ITGB5: variants seen among roughly 807,000 people sequenced by gnomAD.
ITGB5 encodes integrin subunit beta 5.
Under a neutral mutation model 84.8 loss-of-function variants are expected in ITGB5, and 38 were observed. The observed-to-expected ratio is 0.45, with a 90% CI of 0.35 to 0.59. ITGB5 has a LOEUF of 0.59. Ranked by LOEUF, ITGB5 falls within the 20% of genes least tolerant of loss-of-function variation. The pLI is 0.01. For synonymous variants in ITGB5, 393 were observed against 414.4 expected (o/e 0.95, Z 0.63); for missense variants, 905 against 1,034.5 (o/e 0.87, Z 1.72).
At chr3:124,832,695 AG>A (rs1471511008) in intron 5 of ITGB5, among the ~76,000 whole-genome samples, 4 of 152,252 alleles carry the variant, frequency 2.6e-5, no homozygotes, top group African/African-American at 9.6e-5. Context: ...TCATGGAGAC[AG>A]GCATCACGGC....
chr3:124,810,282 A>T (rs2064477349), intron 8 of ITGB5, among the ~76,000 whole-genome samples: 1 of 152,234 alleles, frequency 6.6e-6, no homozygotes, highest in Non-Finnish European at 1.5e-5. Flanking sequence ...ATTTATATGA[A>T]ATTCAAAAAC....
intron 10 of ITGB5, among the ~76,000 whole-genome samples, chr3:124,780,091 GCGAGGCCTC>G (rs2063981778): frequency 6.0e-5 from 9 of 150,506 alleles, no homozygotes; most frequent in South Asian, 2.1e-4. Context: ...GTGGCCCTCA[GCGAGGCCTC>G]TGAGGCAGGG....
intron 8 of ITGB5, among the ~76,000 whole-genome samples, chr3:124,815,242 C>A (rs1484863242): frequency 1.3e-5 from 2 of 152,232 alleles, no homozygotes; most frequent in Non-Finnish European, 2.9e-5. Flanking sequence ...GCCTTCCCTG[C>A]TGCTGCAAGG....
At chr3:124,844,820 C>T (rs977652907) in intron 4 of ITGB5, among the ~76,000 whole-genome samples, 5 of 152,188 alleles carry the variant, frequency 3.3e-5, no homozygotes, top group Non-Finnish European at 5.9e-5. Flanking sequence ...GACCATCTAC[C>T]ATGAATGAGA....
intron 1 of ITGB5, among the ~76,000 whole-genome samples, chr3:124,883,346 ACTAATTAGAG>A (rs1449747214): frequency 1.3e-5 from 2 of 152,200 alleles, no homozygotes; most frequent in Non-Finnish European, 2.9e-5. Context: ...GGCGGGGAAT[ACTAATTAGAG>A]CTAATTAGAC....
chr3:124,851,780 C>T (rs1483462149), intron 3 of ITGB5, among the ~76,000 whole-genome samples: 1 of 152,048 alleles, frequency 6.6e-6, no homozygotes, highest in Non-Finnish European at 1.5e-5. Context: ...CTCTAATATA[C>T]TTGATTTTAA....
intron 6 of ITGB5, 77 bp from the exon 7 acceptor site, chr3:124,819,911 C>T (rs921658720): frequency 1.3e-4 from 135 of 1,049,980 alleles, no homozygotes; most frequent in Non-Finnish European, 1.9e-4. Flanking sequence ...AATGCACAGT[C>T]AGCAGCCAGC....
At chr3:124,767,973 G>GA in intron 12 of ITGB5, among the ~76,000 whole-genome samples, 1 of 152,286 alleles carries the variant, frequency 6.6e-6, no homozygotes, top group South Asian at 2.1e-4. Context: ...GGAGGCTGAG[G>GA]AAAGAGGTTT....
At chr3:124,899,416 C>T (rs1395319479) in intron 1 of ITGB5, among the ~76,000 whole-genome samples, 1 of 152,092 alleles carries the variant, frequency 6.6e-6, no homozygotes, top group Non-Finnish European at 1.5e-5. Context: ...CTATTGTTTC[C>T]ACCAAAAGGA....
At chr3:124,805,601 G>C (rs746696428) in intron 9 of ITGB5, among the ~76,000 whole-genome samples, 2 of 152,102 alleles carry the variant, frequency 1.3e-5, no homozygotes, top group East Asian at 3.9e-4. Flanking sequence ...ACAGGTGTGC[G>C]CTACCATGCC....
At chr3:124,831,221 A>G (rs1309541385) in intron 5 of ITGB5, among the ~76,000 whole-genome samples, 1 of 151,986 alleles carries the variant, frequency 6.6e-6, no homozygotes, top group East Asian at 1.9e-4. Flanking sequence ...TCTCGCTGTC[A>G]ATGTCTGTCT....
At chr3:124,802,788 T>C (rs569116111) in intron 9 of ITGB5, among the ~76,000 whole-genome samples, 18 of 152,328 alleles carry the variant, frequency 1.2e-4, no homozygotes, top group African/African-American at 4.1e-4. Context: ...CAGAATCATG[T>C]CTGGCTCTGA....
At chr3:124,854,867 T>C (rs972586728) in intron 3 of ITGB5, among the ~76,000 whole-genome samples, 13 of 152,236 alleles carry the variant, frequency 8.5e-5, no homozygotes, top group African/African-American at 2.4e-4. Flanking sequence ...AACAATTACT[T>C]TGCCTTCATG....
At chr3:124,855,524 A>C (rs910701241) in intron 3 of ITGB5, among the ~76,000 whole-genome samples, 5 of 152,216 alleles carry the variant, frequency 3.3e-5, no homozygotes, top group Non-Finnish European at 5.9e-5. Flanking sequence ...AAATTTTAAG[A>C]GGCATCATTG....
chr3:124,819,663 G>C lies in ITGB5; in HGVS notation c.1038+76C>G, dbSNP rs893768739. 2.0e-5 allele frequency: 21 copies of C among 1,034,508 alleles called. No homozygotes were observed. The African/African-American group carries it at 2.8e-4, about 14-fold the overall frequency. 64.1% of individuals were successfully genotyped at this position (1,034,508 alleles called of 1,614,324 possible). A position where few individuals can be genotyped will look rare whatever the true frequency, so the allele number is the denominator to read the frequency against. On this transcript the variant is annotated intron_variant, in intron 7 of 14. Coordinates refer to ENST00000296181, the MANE Select transcript of ITGB5 (RefSeq NM_002213.5). Reference sequence around the variant, plus strand: ...CCACCCCTCCTTTGAATTTCCCCCAGATAGGCAGAGTTGTAAACACTCCTC... The same window carrying C: ...CCACCCCTCCTTTGAATTTCCCCCACATAGGCAGAGTTGTAAACACTCCTC...
At chr3:124,768,785 G>A (rs937158899) in intron 12 of ITGB5, among the ~76,000 whole-genome samples, 8 of 152,184 alleles carry the variant, frequency 5.3e-5, no homozygotes, top group Admixed American at 3.3e-4. Flanking sequence ...ACATTGTATG[G>A]TGATTCTACG....
At chr3:124,824,429 C>T (rs1261041114) in intron 5 of ITGB5, among the ~76,000 whole-genome samples, 1 of 152,180 alleles carries the variant, frequency 6.6e-6, no homozygotes, top group Non-Finnish European at 1.5e-5. Flanking sequence ...AGCTATAAAA[C>T]TTCTGAAGGA....
chr3:124,894,134 C>CTTTTTTTTTCTTTTTTTTTT (rs1935053007), intron 1 of ITGB5, among the ~76,000 whole-genome samples: 1 of 104,354 alleles, frequency 9.6e-6, no homozygotes, highest in African/African-American at 3.7e-5. Context: ...TGATATTTTT[C>CTTTTTTTTTCTTTTTTTTTT]TTTTTTTTTT....
At position 124,796,785 on chromosome 3, in the gene ITGB5, G is replaced by C. The variant is rs150312150; in HGVS notation, c.1296C>G (p.Ser432Arg). The change falls in exon 10 of 15, where the codon AGC becomes AGG. Residue 432 changes from serine to arginine, a missense_variant. Ser to Arg is a moderately radical substitution (Grantham distance 110). This residue lies in a region of ITGB5 where 656 missense variants were observed against 734.7 expected (regional missense o/e 0.89). Coordinates refer to ENST00000296181, the MANE Select transcript of ITGB5 (RefSeq NM_002213.5). ...ASFEVSLEARSCPSRHTEHVF... is the reference protein window; with the variant it reads ...ASFEVSLEARRCPSRHTEHVF... ...CATGCTCCGTGTGTCTGCTGGGACA[G>C]CTTCGGGCCTCCAATGATACTTCAA... 6.2e-4 allele frequency: 999 copies of C among 1,610,800 alleles called. 12 individuals carry two copies. The highest frequency in any genetic ancestry group is 5.8e-3 in the South Asian group (525 of 90,710).
Sources: gnomAD v4.1 joint callset for allele counts (sites outside exome capture counted in the v4.1 genomes callset) on GRCh38, gnomAD v4.1.1 for gene constraint, gnomAD v4.1.1 regional missense constraint, MANE v1.5 for transcripts, NCBI Gene and HGNC (gene_info 2026-07-23, HGNC 2026-07-21) for gene names.